MSTO1: variants seen among roughly 807,000 people sequenced by gnomAD.
MSTO1 encodes the protein protein misato homolog 1.
A neutral mutation model predicts 55.7 loss-of-function variants in MSTO1; 24 were observed. That is an observed-to-expected ratio of 0.43 (90% CI 0.31 to 0.61). The LOEUF (loss-of-function observed/expected upper bound fraction) is 0.61, where lower values mean the gene tolerates loss of function less well. Ranked by LOEUF, MSTO1 falls within the 20% of genes least tolerant of loss-of-function variation. The pLI is 0.09. For missense variants in MSTO1, 363 were observed against 625.7 expected (o/e 0.58, Z 4.48); for synonymous variants, 162 against 252.8 (o/e 0.64, Z 3.41).
intron 11 of MSTO1, 30 bp downstream of exon 11, chr1:155,613,263 G>C: frequency 1.9e-6 from 3 of 1,602,316 alleles, no homozygotes; most frequent in South Asian, 1.1e-5. Context: ...AGGAGTCCTT[G>C]TCAGATTTTT....
At chr1:155,603,729 G>C in the MSTO1 span, among the ~76,000 whole-genome samples, 1 of 151,556 alleles carries the variant, frequency 6.6e-6, no homozygotes, top group Non-Finnish European at 1.5e-5. Flanking sequence ...ACGGTGGCAG[G>C]CACCTGTAAT....
In MSTO1 at chr1:155,614,421, C is replaced by T. The variant is rs1257806486; in HGVS notation, c.*148C>T. The stretch of plus-strand genomic sequence containing the variant: ...ACATTTAGAAACACTGTGATTAGAC[C>T]ACAGAACAATAAATATGTGCCATCA... On this transcript the variant is annotated 3_prime_UTR_variant, in exon 14 of 14. Transcript: ENST00000245564. 1.7e-6 allele frequency: 1 copy of T among 589,120 alleles called. No individual in the cohort carries two copies. Among genetic ancestry groups the T allele is most frequent in the East Asian group, 2.8e-5 (1 of 35,512 alleles). The allele number at this position is 589,120 out of a possible 1,614,324, so 36.5% of individuals were successfully genotyped here.
At chr1:155,581,856 C>T in the MSTO1 span, among the ~76,000 whole-genome samples, 4 of 148,166 alleles carry the variant, frequency 2.7e-5, no homozygotes, top group Non-Finnish European at 6.0e-5. Flanking sequence ...TGCAGTGGCG[C>T]GATCTTGGCT....
At chr1:155,572,660 T>G in the MSTO1 span, among the ~76,000 whole-genome samples, 1 of 151,824 alleles carries the variant, frequency 6.6e-6, no homozygotes. Flanking sequence ...TTTTTTTTTC[T>G]TTTTTTTGAG....
the MSTO1 span, among the ~76,000 whole-genome samples, chr1:155,591,987 A>G: frequency 6.6e-6 from 1 of 152,150 alleles, no homozygotes. Flanking sequence ...CTGTAGAAAT[A>G]GCACCACCTT....
rs763869881 is a variant in MSTO1, at chr1:155,612,125, C to G, written c.678+25C>G. ...GGTAGTGGCGTGGCAATGTGCACTC[C>G]AGGGTGGAAGCTCTTCTCATCCTGC... On this transcript the variant is annotated intron_variant, in intron 7 of 13. Coordinates refer to ENST00000245564, the MANE Select transcript of MSTO1 (RefSeq NM_018116.4). 3 of 1,613,122 alleles carry G rather than the reference C, an allele frequency of 1.9e-6. No individual in the cohort carries two copies. In the East Asian group the frequency reaches 6.7e-5, roughly 36 times the overall value.
chr1:155,579,783 G>C, the MSTO1 span, among the ~76,000 whole-genome samples: 1 of 151,980 alleles, frequency 6.6e-6, no homozygotes, highest in Non-Finnish European at 1.5e-5. Context: ...CCTTAGACTA[G>C]GTCGACATAA....
At chr1:155,591,105 G>A in the MSTO1 span, 2 of 1,613,620 alleles carry the variant, frequency 1.2e-6, no homozygotes, top group Middle Eastern at 1.7e-4. Context: ...GCACCACTCA[G>A]GACATCCACA....
At chr1:155,585,497 TG>T in the MSTO1 span, among the ~76,000 whole-genome samples, 1 of 133,342 alleles carries the variant, frequency 7.5e-6, no homozygotes. Context: ...CACTCCAGCC[TG>T]GGTGACAGAG....
Position 155,614,941 on chromosome 1 carries a change from G to T in MSTO1, c.*668G>T, listed in dbSNP as rs1675277449. On this transcript the variant is annotated 3_prime_UTR_variant, in exon 14 of 14. Transcript: ENST00000245564. ...TAACATTTATGAAGCACTATATATTGATTTGCAAAATCTTTTGTTTATTCC... is the reference window on the plus strand; with the variant it reads ...TAACATTTATGAAGCACTATATATTTATTTGCAAAATCTTTTGTTTATTCC... 2.7e-6 allele frequency: 3 copies of T among 1,114,772 alleles called. No homozygotes were observed. Among genetic ancestry groups the T allele is most frequent in the Non-Finnish European group, 4.0e-6 (3 of 749,104 alleles). The allele number at this position is 1,114,772 out of a possible 1,614,324, so 69.1% of individuals were successfully genotyped here. A position where few individuals can be genotyped will look rare whatever the true frequency, so the allele number is the denominator to read the frequency against.
chr1:155,609,950 GC>G (rs1673459792), upstream of MSTO1: 1 of 441,864 alleles, frequency 2.3e-6, no homozygotes, highest in East Asian at 4.3e-5. Flanking sequence ...CACGGCCCGC[GC>G]CCTGGCGGCC....
At chr1:155,569,185 G>C in the MSTO1 span, among the ~76,000 whole-genome samples, 2 of 151,682 alleles carry the variant, frequency 1.3e-5, no homozygotes, top group South Asian at 4.2e-4. Context: ...ACCCAGGCTG[G>C]AGTGCAGTAG....
At position 155,612,559 on chromosome 1, in the gene MSTO1, C is replaced by G. The variant is rs778583026; in HGVS notation, c.955C>G (p.Leu319Val). ...CGAGCCACCTGTCAGCTTCCCTTAC[C>G]TGCATTATGATGTAAGTCTCGGTGC... ...RPEPPVSFPY[L>V]HYDATLPFHC... Residue 319 changes from leucine (L) to valine (V), a missense_variant, in exon 9 of 14, where the codon CTG (leucine) becomes GTG (valine). Coordinates refer to ENST00000245564, the MANE Select transcript of MSTO1 (RefSeq NM_018116.4). The G allele has an allele frequency of 3.1e-6, 5 of 1,611,390 alleles. No individual in the cohort carries two copies. The highest frequency in any genetic ancestry group is 4.2e-6 in the Non-Finnish European group (5 of 1,179,432).
At chr1:155,591,798 A>G in the MSTO1 span, among the ~76,000 whole-genome samples, 19 of 152,118 alleles carry the variant, frequency 1.2e-4, no homozygotes, top group African/African-American at 4.3e-4. Context: ...CTCAAAAAAA[A>G]AAAAAGATTC....
At chr1:155,585,817 C>T in the MSTO1 span, among the ~76,000 whole-genome samples, 1 of 152,210 alleles carries the variant, frequency 6.6e-6, no homozygotes, top group East Asian at 1.9e-4. Flanking sequence ...CCATCTTTTT[C>T]CTTTCTCCCT....
At chr1:155,581,351 A>G in the MSTO1 span, among the ~76,000 whole-genome samples, 1 of 152,200 alleles carries the variant, frequency 6.6e-6, no homozygotes, top group Admixed American at 6.6e-5. Context: ...GGAAAAGCTC[A>G]GAATGATGGC....
At chr1:155,585,012 C>G in the MSTO1 span, among the ~76,000 whole-genome samples, 1 of 151,992 alleles carries the variant, frequency 6.6e-6, no homozygotes, top group Non-Finnish European at 1.5e-5. Context: ...CTTCCCACCT[C>G]AGCCTCCAAA....
the MSTO1 span, among the ~76,000 whole-genome samples, chr1:155,584,643 C>T: frequency 8.7e-6 from 1 of 114,988 alleles, no homozygotes; most frequent in African/African-American, 3.3e-5. Flanking sequence ...TGCACTCCAG[C>T]CTGGGCAACA....
the MSTO1 span, among the ~76,000 whole-genome samples, chr1:155,582,749 G>A: frequency 6.6e-6 from 1 of 152,004 alleles, no homozygotes; most frequent in East Asian, 1.9e-4. Flanking sequence ...ATGAGCCACC[G>A]CGCCCGGCCG....
Sources: gnomAD v4.1 joint callset for allele counts (sites outside exome capture counted in the v4.1 genomes callset) on GRCh38, gnomAD v4.1.1 for gene constraint, MANE v1.5 for transcripts, NCBI Gene and HGNC (gene_info 2026-07-23, HGNC 2026-07-21) for gene names.